Variants in DYNC1I1 observed in about 807,000 individuals in gnomAD.
DYNC1I1 encodes dynein cytoplasmic 1 intermediate chain 1.
DYNC1I1 carries 43 observed loss-of-function variants against 86.6 expected under a neutral mutation model. That is an observed-to-expected ratio of 0.50 (90% confidence interval 0.39 to 0.64). The LOEUF is 0.64. Ranked by LOEUF, DYNC1I1 falls within the 30% of genes least tolerant of loss-of-function variation. DYNC1I1 has a pLI of 0.00. For synonymous variants in DYNC1I1, 262 were observed against 283.7 expected (o/e 0.92, Z 0.77); for missense variants, 604 against 788.8 (o/e 0.77, Z 2.81).
intron 6 of DYNC1I1, among the ~76,000 whole-genome samples, chr7:95,954,092 G>A (rs1029243389): frequency 1.1e-4 from 17 of 151,966 alleles, no homozygotes; most frequent in Admixed American, 6.6e-5. Flanking sequence ...CAGTAGGGCC[G>A]GGATATTGAG....
intron 10 of DYNC1I1, among the ~76,000 whole-genome samples, chr7:95,998,890 GC>G (rs1316484972): frequency 6.6e-6 from 1 of 152,166 alleles, no homozygotes; most frequent in Non-Finnish European, 1.5e-5. Context: ...AGACTGACAA[GC>G]TTTTTGCCTA....
At chr7:95,814,695 TTA>T (rs1794908820) in intron 4 of DYNC1I1, among the ~76,000 whole-genome samples, 2 of 152,102 alleles carry the variant, frequency 1.3e-5, no homozygotes, top group Non-Finnish European at 2.9e-5. Flanking sequence ...AAGACTGGAA[TTA>T]TGTTACCTAT....
At chr7:96,098,623 C>T (rs1791080540), downstream of DYNC1I1, among the ~76,000 whole-genome samples, 1 of 152,162 alleles carries the variant, frequency 6.6e-6, no homozygotes, top group African/African-American at 2.4e-5. Context: ...TTTTGGAAAG[C>T]TCCTCCTTCT....
At chr7:95,995,882 G>A in intron 9 of DYNC1I1, 66 bp from the exon 10 acceptor site, 3 of 1,537,392 alleles carry the variant, frequency 2.0e-6, no homozygotes, top group Non-Finnish European at 2.6e-6. Context: ...GTGTATGTAG[G>A]AATAACAAAG....
At chr7:96,045,916 C>T (rs1488478763) in intron 14 of DYNC1I1, among the ~76,000 whole-genome samples, 1 of 152,096 alleles carries the variant, frequency 6.6e-6, no homozygotes, top group Non-Finnish European at 1.5e-5. Flanking sequence ...ATAAAAGGGG[C>T]CAAGGATTCA....
In DYNC1I1 at chr7:96,097,521, C is replaced by T. The variant is rs776360629; in HGVS notation, c.1815C>T (p.Ala605=). The T allele has an allele frequency of 5.6e-6, 9 of 1,613,790 alleles. No individual in the cohort carries two copies. Among genetic ancestry groups the T allele is most frequent in the Non-Finnish European group, 7.6e-6 (9 of 1,179,778 alleles). ...ACAATGATGAATGGACCCGATTTGC[C>T]AGGACCCTTGTGGAAATTCGTGCTA... is the stretch of plus-strand genomic sequence containing the variant. ...VPHNDEWTRF[A]RTLVEIRANR... Residue 605 remains alanine (A), a synonymous_variant, in exon 17 of 17, where the codon GCC becomes GCT. Transcript: ENST00000447467.
chr7:95,776,003 T>C (rs986400456), intron 1 of DYNC1I1, among the ~76,000 whole-genome samples: 2 of 152,152 alleles, frequency 1.3e-5, no homozygotes, highest in Non-Finnish European at 2.9e-5. Flanking sequence ...CTCAGCACTT[T>C]GGGAAGCCAA....
chr7:95,954,340 G>T (rs1280356464), intron 6 of DYNC1I1, among the ~76,000 whole-genome samples: 1 of 151,418 alleles, frequency 6.6e-6, no homozygotes, highest in African/African-American at 2.4e-5. Context: ...TCAAACCCAG[G>T]TCCTCAGTTT....
intron 5 of DYNC1I1, among the ~76,000 whole-genome samples, chr7:95,840,317 GACTTT>G (rs1789246923): frequency 6.6e-6 from 1 of 151,138 alleles, no homozygotes; most frequent in African/African-American, 2.4e-5. Context: ...AGCTGTCTTT[GACTTT>G]ACTTCTCCTT....
intron 1 of DYNC1I1, among the ~76,000 whole-genome samples, chr7:95,783,984 G>C (rs1026124614): frequency 2.5e-4 from 38 of 152,184 alleles, no homozygotes; most frequent in Admixed American, 2.2e-3. Flanking sequence ...TTTCCCCTTG[G>C]ATCATTTTGA....
intron 6 of DYNC1I1, among the ~76,000 whole-genome samples, chr7:95,903,000 CA>C (rs1430201202): frequency 6.6e-6 from 1 of 152,162 alleles, no homozygotes; most frequent in Non-Finnish European, 1.5e-5. Flanking sequence ...CAGGCTGACT[CA>C]GGAACATCAT....
intron 14 of DYNC1I1, among the ~76,000 whole-genome samples, chr7:96,052,611 A>T (rs1789437728): frequency 6.6e-6 from 1 of 152,202 alleles, no homozygotes; most frequent in Admixed American, 6.5e-5. Context: ...AGATGTAGCA[A>T]TAGTAATAAT....
chr7:95,966,553 A>G (rs966770557), intron 6 of DYNC1I1, among the ~76,000 whole-genome samples: 10 of 152,286 alleles, frequency 6.6e-5, no homozygotes, highest in East Asian at 3.9e-4. Flanking sequence ...AGCTGTAGAA[A>G]TGGTTTGGGA....
chr7:95,953,709 G>A (rs936531884), intron 6 of DYNC1I1, among the ~76,000 whole-genome samples: 4 of 152,200 alleles, frequency 2.6e-5, no homozygotes, highest in Non-Finnish European at 4.4e-5. Flanking sequence ...AGATGGAACA[G>A]TGCTGCTTGG....
intron 5 of DYNC1I1, among the ~76,000 whole-genome samples, chr7:95,850,588 G>T (rs959001852): frequency 3.3e-5 from 5 of 152,150 alleles, no homozygotes; most frequent in Non-Finnish European, 5.9e-5. Context: ...CCATGTTTCT[G>T]TTCATGTTTG....
intron 6 of DYNC1I1, among the ~76,000 whole-genome samples, chr7:95,952,756 A>G (rs16868950): frequency 0.14 from 21,595 of 151,986 alleles, 3,718 homozygotes; most frequent in African/African-American, 0.41. Context: ...AAGCTTCAAT[A>G]TGTTTTTACT....
intron 6 of DYNC1I1, among the ~76,000 whole-genome samples, chr7:95,899,244 G>A (rs886299795): frequency 1.3e-5 from 2 of 152,138 alleles, no homozygotes; most frequent in Non-Finnish European, 2.9e-5. Context: ...AAGGGACCAT[G>A]TTACATCTGG....
chr7:95,923,078 T>A (rs933249992), intron 6 of DYNC1I1, among the ~76,000 whole-genome samples: 1 of 152,130 alleles, frequency 6.6e-6, no homozygotes, highest in Non-Finnish European at 1.5e-5. Flanking sequence ...TTTCATATCT[T>A]TTTTCTTGTT....
chr7:95,843,071 A>G (rs1281248613), intron 5 of DYNC1I1, among the ~76,000 whole-genome samples: 2 of 152,310 alleles, frequency 1.3e-5, no homozygotes, highest in East Asian at 3.9e-4. Flanking sequence ...CAAGTCCCTT[A>G]CATGTATTCT....
Sources: allele counts gnomAD v4.1 joint callset (sites outside exome capture counted in the v4.1 genomes callset), GRCh38; gene constraint gnomAD v4.1.1; transcripts MANE v1.5; gene names NCBI Gene and HGNC (gene_info 2026-07-23, HGNC 2026-07-21).